The following TBC1D22A variants were observed in gnomAD, a reference collection of about 807,000 sequenced individuals.
TBC1D22A encodes putative GTPase activator.
A neutral mutation model predicts 60.2 loss-of-function variants in TBC1D22A; 38 were observed. That is an observed-to-expected ratio of 0.63 (90% CI 0.49 to 0.83). TBC1D22A has a LOEUF of 0.83. Ranked by LOEUF, TBC1D22A falls within the 40% of genes least tolerant of loss-of-function variation. TBC1D22A has a pLI of 0.00. For missense variants in TBC1D22A, 628 were observed against 701.0 expected (o/e 0.90, Z 1.18); for synonymous variants, 302 against 281.7 (o/e 1.07, Z -0.72).
intron 12 of TBC1D22A, among the ~76,000 whole-genome samples, chr22:47,112,931 A>C (rs2065903525): frequency 6.6e-6 from 1 of 152,188 alleles, no homozygotes; most frequent in Non-Finnish European, 1.5e-5. Flanking sequence ...GTCACTTTGC[A>C]CAGGGGAATG....
intron 4 of TBC1D22A, among the ~76,000 whole-genome samples, chr22:46,828,611 G>C (rs905910166): frequency 1.3e-5 from 2 of 152,232 alleles, no homozygotes; most frequent in Non-Finnish European, 2.9e-5. Context: ...AGGCCAGTCT[G>C]CTTACCTGAG....
chr22:46,802,808 T>G (rs1406917737), intron 4 of TBC1D22A, among the ~76,000 whole-genome samples: 6 of 98,898 alleles, frequency 6.1e-5, no homozygotes, highest in Admixed American at 2.4e-4. Context: ...CAGAGTAGGG[T>G]GGGAGACTAG....
intron 4 of TBC1D22A, among the ~76,000 whole-genome samples, chr22:46,809,080 A>T (rs909826424): frequency 6.6e-6 from 1 of 152,240 alleles, no homozygotes; most frequent in Non-Finnish European, 1.5e-5. Flanking sequence ...CCATAAGAAA[A>T]TACCACAGAC....
At position 46,793,809 on chromosome 22, in the gene TBC1D22A, C is replaced by T. The variant is rs563554988; in HGVS notation, c.428C>T (p.Ser143Leu). The change falls in exon 3 of 13, where the codon TCG becomes TTG. Residue 143 changes from serine (S) to leucine (L), a missense_variant. Transcript: ENST00000337137. ...PPSGDLRLVK[S>L]VSESHTSCPA... ...AGCGGCGACCTCCGGCTGGTGAAGT[C>T]GGTCAGTGAGAGCCACACGTCCTGT... 34 of 1,594,328 alleles carry T rather than the reference C, an allele frequency of 2.1e-5. No individual in the cohort carries two copies. Among genetic ancestry groups the T allele is most frequent in the African/African-American group, 1.6e-4 (12 of 74,640 alleles).
At position 47,037,814 on chromosome 22, in the gene TBC1D22A, C is replaced by T. The variant is rs1158049217; in HGVS notation, c.1329+616C>T. Among the ~76,000 whole-genome samples, 10 of 152,226 alleles carry T rather than the reference C, an allele frequency of 6.6e-5. No individual in the cohort carries two copies. The East Asian group carries it at 1.5e-3, about 24-fold the overall frequency. On this transcript the variant is annotated intron_variant, in intron 11 of 12. Coordinates refer to ENST00000337137, the MANE Select transcript of TBC1D22A (RefSeq NM_014346.5). Reference sequence around the variant, plus strand: ...TCCTGAGCAGTGTGCTAGGAGGATGCGAGGGATGCTGGTGACTCTGCTGTG... The same window carrying T: ...TCCTGAGCAGTGTGCTAGGAGGATGTGAGGGATGCTGGTGACTCTGCTGTG...
chr22:46,831,159 T>C (rs2086292640), intron 4 of TBC1D22A, among the ~76,000 whole-genome samples: 1 of 152,298 alleles, frequency 6.6e-6, no homozygotes, highest in East Asian at 1.9e-4. Flanking sequence ...CAGTGGGCTC[T>C]TGTCAGGCAG....
intron 5 of TBC1D22A, 75 bp downstream of exon 5, chr22:46,878,798 C>A: frequency 7.0e-7 from 1 of 1,426,844 alleles, no homozygotes; most frequent in Non-Finnish European, 9.9e-7. Flanking sequence ...CTGAGTAGGG[C>A]CTGACAGCCA....
chr22:46,995,513 TTGTGTGTG>T (rs560356769), intron 9 of TBC1D22A, among the ~76,000 whole-genome samples: 1 of 151,096 alleles, frequency 6.6e-6, no homozygotes, highest in African/African-American at 2.4e-5. Flanking sequence ...TGCACGCACT[TTGTGTGTG>T]TGTGTGTGTG....
At chr22:46,782,072 T>G (rs897844761) in intron 1 of TBC1D22A, among the ~76,000 whole-genome samples, 2 of 152,190 alleles carry the variant, frequency 1.3e-5, no homozygotes, top group Non-Finnish European at 2.9e-5. Context: ...TTATTATTAT[T>G]GAGATGGAGT....
At chr22:46,824,049 A>G (rs1411268286) in intron 4 of TBC1D22A, among the ~76,000 whole-genome samples, 2 of 152,230 alleles carry the variant, frequency 1.3e-5, no homozygotes, top group Non-Finnish European at 2.9e-5. Context: ...TTAGTAATAC[A>G]TTTTATTAAT....
chr22:47,133,099 G>A (rs2066738546), intron 12 of TBC1D22A, among the ~76,000 whole-genome samples: 1 of 152,242 alleles, frequency 6.6e-6, no homozygotes, highest in African/African-American at 2.4e-5. Context: ...AAATGTAACA[G>A]CCTATCCACT....
intron 7 of TBC1D22A, among the ~76,000 whole-genome samples, chr22:46,898,193 C>T (rs906232274): frequency 3.3e-5 from 5 of 152,278 alleles, no homozygotes; most frequent in Non-Finnish European, 5.9e-5. Flanking sequence ...CCTCTCAGGC[C>T]TCTTGGTCTC....
chr22:46,920,558 C>G (rs2070693024), intron 8 of TBC1D22A, among the ~76,000 whole-genome samples: 2 of 152,200 alleles, frequency 1.3e-5, no homozygotes, highest in African/African-American at 2.4e-5. Flanking sequence ...TCCTGTTGTG[C>G]CTCTCCCAGG....
chr22:46,858,702 TC>T (rs1172785314), intron 4 of TBC1D22A, among the ~76,000 whole-genome samples: 1 of 152,158 alleles, frequency 6.6e-6, no homozygotes, highest in Non-Finnish European at 1.5e-5. Flanking sequence ...TTCGAGCGCT[TC>T]TTGGGAGAGG....
In TBC1D22A at chr22:46,855,034, G is replaced by T. The variant is rs556675033; in HGVS notation, c.638-23619G>T. On this transcript the variant is annotated intron_variant, in intron 4 of 12. Coordinates refer to ENST00000337137, the MANE Select transcript of TBC1D22A (RefSeq NM_014346.5). ...GTAACAGCCATTAATATTTTTCTTT[G>T]CCTGGACTGTGTCTTTCCACCCATT... 6.6e-5 allele frequency among the ~76,000 whole-genome samples: 10 copies of T among 152,204 alleles called. No individual in the cohort carries two copies. The South Asian group carries it at 2.1e-3, about 32-fold the overall frequency.
At chr22:47,050,601 G>A (rs528402606) in intron 11 of TBC1D22A, among the ~76,000 whole-genome samples, 3 of 152,302 alleles carry the variant, frequency 2.0e-5, no homozygotes, top group South Asian at 2.1e-4. Flanking sequence ...TCCAGGCGCC[G>A]CTTGGGCCCT....
rs58016221 is a variant in TBC1D22A, at chr22:47,144,558, C to G, written c.1426-28940C>G. ...GTCTGCCTGGCGTGCACACAGTATACAAGCACATACGCGCATGCACTTAGG... is the reference window on the plus strand; with the variant it reads ...GTCTGCCTGGCGTGCACACAGTATAGAAGCACATACGCGCATGCACTTAGG... On this transcript the variant is annotated intron_variant, in intron 12 of 12. Coordinates refer to ENST00000337137, the MANE Select transcript of TBC1D22A (RefSeq NM_014346.5). Among the ~76,000 whole-genome samples, 636 of 152,360 alleles carry G rather than the reference C, an allele frequency of 4.2e-3. 5 individuals carry two copies. The highest frequency in any genetic ancestry group is 0.012 in the African/African-American group (498 of 41,592).
At chr22:46,949,630 C>A (rs2072775115) in intron 8 of TBC1D22A, among the ~76,000 whole-genome samples, 2 of 152,254 alleles carry the variant, frequency 1.3e-5, no homozygotes, top group African/African-American at 2.4e-5. Context: ...TATATCATTT[C>A]ATCCATCTGC....
intron 11 of TBC1D22A, among the ~76,000 whole-genome samples, chr22:47,045,294 G>C (rs1329819906): frequency 6.6e-6 from 1 of 152,164 alleles, no homozygotes; most frequent in Non-Finnish European, 1.5e-5. Flanking sequence ...GCAGAGCCAC[G>C]GTCACGGCTG....
Sources: allele counts gnomAD v4.1 joint callset (sites outside exome capture counted in the v4.1 genomes callset), GRCh38; gene constraint gnomAD v4.1.1; transcripts MANE v1.5; gene names NCBI Gene and HGNC (gene_info 2026-07-23, HGNC 2026-07-21).